Variants in CLCN7 observed in about 807,000 individuals in gnomAD.
The protein encoded by CLCN7 is Cl-/H+ antiporter 7, also known as H(+)/Cl(-) exchange transporter 7.
In CLCN7, 60 loss-of-function variants were observed where a neutral mutation model predicts 102.1. The ratio of observed to expected loss-of-function variants is 0.59; its 90% CI spans 0.48 to 0.73. The LOEUF is 0.73. Ranked by LOEUF, CLCN7 falls within the 30% of genes least tolerant of loss-of-function variation. The probability of loss-of-function intolerance (pLI) is 0.00; values close to 1 mark genes in which losing one functional copy is unlikely to be tolerated. For synonymous variants in CLCN7, 560 were observed against 490.5 expected, an observed-to-expected ratio of 1.14 and a Z score of -1.87; for missense variants, 962 against 1,125.7, an observed-to-expected ratio of 0.85 and a Z score of 2.08.
intron 1 of CLCN7, among the ~76,000 whole-genome samples, chr16:1,468,513 C>G (rs374222390): frequency 1.3e-5 from 2 of 152,204 alleles, no homozygotes; most frequent in Non-Finnish European, 2.9e-5. Flanking sequence ...TTTTTAAATG[C>G]AAGCTCTTAT....
rs781289087 is a variant in CLCN7, at chr16:1,460,791, G to A, written c.484+25C>T. Reference sequence around the variant, plus strand: ...CCAGGCCACGCCCCCCTCCCAAGCTGCAGCGGCCGCACTGGGAAGGATACT... The same window carrying A: ...CCAGGCCACGCCCCCCTCCCAAGCTACAGCGGCCGCACTGGGAAGGATACT... On this transcript the variant is annotated intron_variant, in intron 5 of 24. Transcript: ENST00000382745. 2.5e-6 allele frequency: 4 copies of A among 1,613,656 alleles called. No individual in the cohort carries two copies. The South Asian group carries it at 3.3e-5, about 13-fold the overall frequency.
At chr16:1,474,806 TC>T in intron 1 of CLCN7, 27 bp downstream of exon 1, 1 of 1,298,682 alleles carries the variant, frequency 7.7e-7, no homozygotes, top group Non-Finnish European at 9.8e-7. Flanking sequence ...GGGCTCAGTT[TC>T]CCCGCCTGCG....
chr16:1,450,698 AC>A (rs752443955), intron 16 of CLCN7, 32 bp from the exon 17 acceptor site: 5 of 1,328,434 alleles, frequency 3.8e-6, no homozygotes, highest in Non-Finnish European at 4.1e-6. Flanking sequence ...CGGGGCCTCC[AC>A]GACTCCCGCC....
intron 13 of CLCN7, 32 bp downstream of exon 13, chr16:1,454,379 G>A: frequency 6.2e-7 from 1 of 1,606,648 alleles, no homozygotes; most frequent in Non-Finnish European, 8.5e-7. Context: ...AGGCCCGCAG[G>A]CCGTCCCTGC....
chr16:1,452,486 C>T, intron 15 of CLCN7: 2 of 516,570 alleles, frequency 3.9e-6, no homozygotes, highest in Non-Finnish European at 7.0e-6. Context: ...GCGCCTGAGG[C>T]TCGCCCCGTC....
In CLCN7 at chr16:1,448,448, C is replaced by T. The variant is rs2038688496; in HGVS notation, c.1920G>A (p.Arg640=). ...CCACAATGACGCCGACCTTCTCACG[C>T]CGCCTCAGGCAGGTCACTGGTGTGC... The part of the protein sequence containing the change: ...VMSTPVTCLR[R]REKVGVIVDV... Residue 640 remains arginine, a synonymous_variant, in exon 21 of 25, where the codon CGG becomes CGA. Transcript: ENST00000382745. 1 of 1,611,778 alleles carries T rather than the reference C, an allele frequency of 6.2e-7. No individual in the cohort carries two copies. Among genetic ancestry groups the T allele is most frequent in the Admixed American group, 1.7e-5 (1 of 60,014 alleles).
chr16:1,451,049 G>A (rs1445730188), intron 16 of CLCN7, among the ~76,000 whole-genome samples: 1 of 152,256 alleles, frequency 6.6e-6, no homozygotes, highest in African/African-American at 2.4e-5. Context: ...CTTTCCTGGA[G>A]CAGGCAGCAC....
At chr16:1,466,711 C>T (rs894759125) in intron 1 of CLCN7, 18 of 152,106 alleles carry the variant, frequency 1.2e-4, no homozygotes, top group African/African-American at 3.6e-4. Context: ...CCAGCACTTT[C>T]AGAGGCTGAG....
chr16:1,455,253 GC>G lies in CLCN7; in HGVS notation c.982-4del. The G allele has an allele frequency of 6.3e-7, 1 of 1,582,996 alleles. No individual in the cohort carries two copies. The highest frequency in any genetic ancestry group is 8.7e-7 in the Non-Finnish European group (1 of 1,152,020). On this transcript the variant is annotated splice_polypyrimidine_tract_variant and splice_region_variant and intron_variant, in intron 11 of 24. Coordinates refer to ENST00000382745, the MANE Select transcript of CLCN7 (RefSeq NM_001287.6). ...GTGGAGATCATGGAAGCAAAGAACT[GC>G]GGCAGAGGGCAGGAAACCAGCGCCC...
In CLCN7 at chr16:1,450,580, C is replaced by T. The variant is rs763164345; in HGVS notation, c.1534G>A (p.Gly512Arg). 5.0e-6 allele frequency: 8 copies of T among 1,612,128 alleles called. No individual in the cohort carries two copies. The highest frequency in any genetic ancestry group is 1.6e-4 in the Middle Eastern group (1 of 6,078). ...CWTYGLTVSAGVFIPSLLIGA... is the reference protein window; with the variant it reads ...CWTYGLTVSARVFIPSLLIGA... ...ATGAGCAGGGACGGGATGAAGACCC[C>T]GGCAGACACCGTGAGCCCGTAGGTC... Residue 512 changes from glycine to arginine, a missense_variant, in exon 17 of 25, where the codon GGG (glycine) becomes AGG (arginine). Transcript: ENST00000382745.
intron 1 of CLCN7, among the ~76,000 whole-genome samples, chr16:1,466,224 G>A (rs544223410): frequency 5.2e-4 from 79 of 152,374 alleles, no homozygotes; most frequent in Non-Finnish European, 6.5e-4. Context: ...GGTACCGGCC[G>A]TGGGAAGACC....
intron 2 of CLCN7, among the ~76,000 whole-genome samples, chr16:1,464,524 G>A (rs773284120): frequency 3.5e-4 from 53 of 152,374 alleles, no homozygotes; most frequent in Middle Eastern, 3.4e-3. Context: ...TGTACAGGAC[G>A]GCATCTGAGC....
At chr16:1,460,775 G>GC (rs757116869) in intron 5 of CLCN7, 41 bp downstream of exon 5, 6 of 1,613,340 alleles carry the variant, frequency 3.7e-6, no homozygotes, top group Admixed American at 3.3e-5. Context: ...CCCAGGCCAC[G>GC]CCCCCCTCCC....
chr16:1,456,448 G>A (rs960487855), intron 9 of CLCN7, among the ~76,000 whole-genome samples: 4 of 152,156 alleles, frequency 2.6e-5, no homozygotes, highest in Non-Finnish European at 5.9e-5. Context: ...ACTTTCCAGC[G>A]CACGCAAGAT....
At position 1,447,687 on chromosome 16, in the gene CLCN7, GC is replaced by G; in HGVS notation, c.2040del (p.Arg681AlafsTer8). ...TTTAGGAGAACGATGAGCTGGGAGCGCAGGATCAGGCCCTGGAGCCGGGCAG... is the reference window on the plus strand; with the variant it reads ...TTTAGGAGAACGATGAGCTGGGAGCGAGGATCAGGCCCTGGAGCCGGGCAG... ...TQPARLQGLI[L>X]RSQLIVLLKH... On this transcript the variant is annotated frameshift_variant, in exon 22 of 25. Coordinates refer to ENST00000382745, the MANE Select transcript of CLCN7 (RefSeq NM_001287.6). LOFTEE classifies it high-confidence loss of function. 6.4e-7 allele frequency: 1 copy of G among 1,556,844 alleles called. No individual in the cohort carries two copies. Among genetic ancestry groups the G allele is most frequent in the Non-Finnish European group, 8.7e-7 (1 of 1,150,776 alleles).
At position 1,457,821 on chromosome 16, in the gene CLCN7, TA is replaced by T; in HGVS notation, c.676-66del. ...AGGCGCTGTCTTTGGACCTGAGCCG[TA>T]AAACAGCACACACAGCCCCGATCAG... is the stretch of plus-strand genomic sequence containing the variant. On this transcript the variant is annotated intron_variant, in intron 7 of 24. Transcript: ENST00000382745. The surrounding 1 kb of genome is among the most constrained non-coding windows in gnomAD (Gnocchi z 5.4). 1.3e-6 allele frequency: 2 copies of T among 1,499,230 alleles called. No individual in the cohort carries two copies. The highest frequency in any genetic ancestry group is 1.7e-5 in the Admixed American group (1 of 59,770). 92.9% of individuals were successfully genotyped at this position (1,499,230 alleles called of 1,614,324 possible). A position where few individuals can be genotyped will look rare whatever the true frequency, so the allele number is the denominator to read the frequency against.
chr16:1,455,871 C>T, intron 10 of CLCN7, 76 bp from the exon 11 acceptor site: 1 of 1,512,272 alleles, frequency 6.6e-7, no homozygotes, highest in South Asian at 1.1e-5. Flanking sequence ...CTCCCCCAGG[C>T]TCCAGGGAAC....
chr16:1,446,816 G>T, intron 24 of CLCN7, 99 bp from the exon 25 acceptor site: 4 of 1,218,732 alleles, frequency 3.3e-6, no homozygotes, highest in Non-Finnish European at 4.7e-6. Flanking sequence ...CAGGCAGGGG[G>T]CCCTGGGGGC....
chr16:1,457,861 G>A lies in CLCN7; in HGVS notation c.676-105C>T. ...AGCCCCGATCAGGCAGAGTGGCTGG[G>A]ACACGGGGCCTCCGGGAGGGGGCCA... On this transcript the variant is annotated intron_variant, in intron 7 of 24. Transcript: ENST00000382745. This position sits in a 1 kb window ranked among gnomAD's most constrained non-coding sequence, Gnocchi z 5.4. The A allele has an allele frequency of 1.7e-6, 2 of 1,165,082 alleles. No individual in the cohort carries two copies. The highest frequency in any genetic ancestry group is 2.5e-6 in the Non-Finnish European group (2 of 787,892). 72.2% of individuals were successfully genotyped at this position (1,165,082 alleles called of 1,614,324 possible).
Sources: allele counts gnomAD v4.1 joint callset (sites outside exome capture counted in the v4.1 genomes callset), GRCh38; gene constraint gnomAD v4.1.1; non-coding constraint Gnocchi (gnomAD v3.1); transcripts MANE v1.5; gene names NCBI Gene and HGNC (gene_info 2026-07-23, HGNC 2026-07-21).